Variants in GRIP1 observed in about 807,000 individuals in gnomAD.
The protein encoded by GRIP1 is glutamate receptor interacting protein 1.
GRIP1 carries 45 observed loss-of-function variants against 129.9 expected under a neutral mutation model. The observed-to-expected ratio is 0.35, with a 90% CI of 0.27 to 0.44. The LOEUF (loss-of-function observed/expected upper bound fraction) is 0.44. GRIP1 is among the 20% of genes least tolerant of loss of function. GRIP1 has a pLI of 1.00. For missense variants in GRIP1, 1,196 were observed against 1,396.8 expected, an observed-to-expected ratio of 0.86 and a Z score of 2.29; for synonymous variants, 530 against 520.8, an observed-to-expected ratio of 1.02 and a Z score of -0.24.
chr12:66,496,183 A>G (rs1430193414), intron 7 of GRIP1, among the ~76,000 whole-genome samples: 2 of 152,154 alleles, frequency 1.3e-5, no homozygotes, highest in African/African-American at 2.4e-5. Context: ...TTGTTCAAAT[A>G]TATGATGTTT....
chr12:66,379,453 G>T lies in GRIP1; in HGVS notation c.2465-17C>A, dbSNP rs373046362. On this transcript the variant is annotated splice_polypyrimidine_tract_variant and intron_variant, in intron 19 of 24. Transcript: ENST00000359742. ...AACTAGTGCCTAAAATATAAACAAGGTGTTAGCATTGGGCCCAAGGATTAC... is the reference window on the plus strand; with the variant it reads ...AACTAGTGCCTAAAATATAAACAAGTTGTTAGCATTGGGCCCAAGGATTAC... 2 of 1,613,480 alleles carry T rather than the reference G, an allele frequency of 1.2e-6. No individual in the cohort carries two copies. Among genetic ancestry groups the T allele is most frequent in the Non-Finnish European group, 1.7e-6 (2 of 1,179,418 alleles).
At position 66,691,700 on chromosome 12, in the gene GRIP1, A is replaced by G. The variant is rs926134436; in HGVS notation, c.-419-61364T>C. Among the ~76,000 whole-genome samples, 110 of 152,282 alleles carry G rather than the reference A, an allele frequency of 7.2e-4. 2 individuals are homozygous for G. The highest frequency in any genetic ancestry group is 2.6e-3 in the African/African-American group (109 of 41,554). ...CTAAAGCTACCTTTCTTTTGCCTTT[A>G]TATCTAATACTTTATTTTTAGAAAT... is the stretch of plus-strand genomic sequence containing the variant. On this transcript the variant is annotated intron_variant, in intron 1 of 4. Transcript: ENST00000538373.
intron 1 of GRIP1, among the ~76,000 whole-genome samples, chr12:66,788,774 C>T (rs890558960): frequency 4.6e-5 from 7 of 152,192 alleles, no homozygotes; most frequent in African/African-American, 1.2e-4. Flanking sequence ...GATCCCTCCC[C>T]ATTCCAGCCG....
At chr12:66,496,336 C>G (rs1335475859) in intron 7 of GRIP1, among the ~76,000 whole-genome samples, 3 of 152,148 alleles carry the variant, frequency 2.0e-5, no homozygotes, top group African/African-American at 7.2e-5. Context: ...AAAAGACCCA[C>G]AGAACACCCA....
chr12:66,629,524 T>C (rs1243714520), intron 1 of GRIP1, among the ~76,000 whole-genome samples: 3 of 152,242 alleles, frequency 2.0e-5, no homozygotes, highest in African/African-American at 7.2e-5. Flanking sequence ...TCTTGAGTCG[T>C]AATATTTGCT....
intron 1 of GRIP1, among the ~76,000 whole-genome samples, chr12:66,817,130 T>C (rs1183588529): frequency 6.6e-6 from 1 of 151,914 alleles, no homozygotes; most frequent in Non-Finnish European, 1.5e-5. Flanking sequence ...GACACTCTTA[T>C]GCCAGTATGA....
chr12:66,444,344 G>A (rs2058556532), intron 13 of GRIP1, among the ~76,000 whole-genome samples: 1 of 151,230 alleles, frequency 6.6e-6, no homozygotes, highest in African/African-American at 2.4e-5. Context: ...AAATTAGCCG[G>A]GCGCGGTGGC....
intron 2 of GRIP1, among the ~76,000 whole-genome samples, chr12:66,558,522 G>A (rs1018113403): frequency 1.3e-5 from 2 of 151,966 alleles, no homozygotes; most frequent in African/African-American, 4.8e-5. Context: ...AATCATATGA[G>A]GACCATTAGA....
chr12:66,968,319 T>G (rs1238936701), intron 1 of GRIP1, among the ~76,000 whole-genome samples: 1 of 152,012 alleles, frequency 6.6e-6, no homozygotes, highest in East Asian at 1.9e-4. Context: ...CCCTTTACTC[T>G]TAACTTGATG....
Position 66,412,220 on chromosome 12 carries a change from C to T in GRIP1, c.1839-5792G>A, listed in dbSNP as rs1349650918. Among the ~76,000 whole-genome samples the T allele has an allele frequency of 2.0e-5, 3 of 152,108 alleles. No homozygotes were observed. In the East Asian group the frequency reaches 5.8e-4, roughly 29 times the overall value. On this transcript the variant is annotated intron_variant, in intron 15 of 24. Coordinates refer to ENST00000359742, the MANE Select transcript of GRIP1 (RefSeq NM_001366722.1). ...CGAAATGAAAGAAAAAAATGTTAAG[C>T]ATAGCCAGAAAGAAAAGCCAGGACG...
intron 1 of GRIP1, among the ~76,000 whole-genome samples, chr12:66,971,986 G>T (rs539152052): frequency 6.6e-6 from 1 of 152,284 alleles, no homozygotes; most frequent in South Asian, 2.1e-4. Context: ...GCCAGAAGCG[G>T]AAATGTGTTG....
chr12:66,838,020 C>T lies in GRIP1; in HGVS notation c.58+231030G>A, dbSNP rs541023095. On this transcript the variant is annotated intron_variant, in intron 1 of 1. Coordinates refer to the GRIP1 transcript ENST00000643019. ...ACCAGTGTGGCCAACATGGTGAAACCCTGTGCCTACTAAAAATTAGCTGGG... is the reference window on the plus strand; with the variant it reads ...ACCAGTGTGGCCAACATGGTGAAACTCTGTGCCTACTAAAAATTAGCTGGG... Among the ~76,000 whole-genome samples, 160 of 152,076 alleles carry T rather than the reference C, an allele frequency of 1.1e-3. 1 individual carries two copies. The highest frequency in any genetic ancestry group is 2.9e-3 in the African/African-American group (120 of 41,502).
chr12:66,730,141 G>A (rs1015861513), intron 1 of GRIP1, among the ~76,000 whole-genome samples: 1 of 152,082 alleles, frequency 6.6e-6, no homozygotes, highest in Non-Finnish European at 1.5e-5. Flanking sequence ...ACTGAACTAT[G>A]AAATTATTAC....
chr12:66,673,659 C>T (rs901456660), intron 1 of GRIP1, among the ~76,000 whole-genome samples: 20 of 152,234 alleles, frequency 1.3e-4, no homozygotes, highest in Non-Finnish European at 2.1e-4. Context: ...GAGAGTAAAG[C>T]GGTCCAAGCC....
At chr12:66,683,360 C>T (rs546379271), upstream of GRIP1, among the ~76,000 whole-genome samples, 1 of 152,178 alleles carries the variant, frequency 6.6e-6, no homozygotes, top group East Asian at 1.9e-4. Flanking sequence ...GGGAGATGTA[C>T]ACTGAACAGA....
At chr12:66,643,432 T>C (rs538374816) in intron 1 of GRIP1, among the ~76,000 whole-genome samples, 232 of 152,326 alleles carry the variant, frequency 1.5e-3, no homozygotes, top group African/African-American at 4.6e-3. Context: ...CATGAAATGA[T>C]AGTCACAAAT....
chr12:66,837,471 G>T (rs2039634983), intron 1 of GRIP1, among the ~76,000 whole-genome samples: 1 of 152,166 alleles, frequency 6.6e-6, no homozygotes, highest in African/African-American at 2.4e-5. Context: ...ACAGCAACAT[G>T]CACCAATGCC....
chr12:66,564,327 C>G (rs2062659900), intron 2 of GRIP1, among the ~76,000 whole-genome samples: 1 of 141,748 alleles, frequency 7.1e-6, no homozygotes, highest in Non-Finnish European at 1.5e-5. Context: ...TACCCTGTGT[C>G]CCAGTGTTCT....
chr12:66,675,561 C>G (rs910499445), intron 1 of GRIP1, among the ~76,000 whole-genome samples: 3 of 152,178 alleles, frequency 2.0e-5, no homozygotes, highest in Non-Finnish European at 1.5e-5. Flanking sequence ...ATGGTAGCCC[C>G]TAGCTGAGAA....
Sources: gnomAD v4.1 joint callset for allele counts (sites outside exome capture counted in the v4.1 genomes callset) on GRCh38, gnomAD v4.1.1 for gene constraint, MANE v1.5 for transcripts, NCBI Gene and HGNC (gene_info 2026-07-23, HGNC 2026-07-21) for gene names.